The following PLCB1 variants were observed in gnomAD, a reference collection of about 807,000 sequenced individuals.
PLCB1 encodes phospholipase C beta 1, also known as 1-phosphatidylinositol 4,5-bisphosphate phosphodiesterase beta-1.
Under a neutral mutation model 161.8 loss-of-function variants are expected in PLCB1, and 46 were observed. That is an observed-to-expected ratio of 0.28 (90% confidence interval 0.22 to 0.36). The LOEUF is 0.36. Ranked by LOEUF, PLCB1 falls within the 10% of genes least tolerant of loss-of-function variation. The pLI, the probability that PLCB1 is intolerant of heterozygous loss-of-function variation, is 1.00. For missense variants in PLCB1, 1,016 were observed against 1,472.5 expected (o/e 0.69, Z 5.07); for synonymous variants, 517 against 503.7 (o/e 1.03, Z -0.35).
intron 3 of PLCB1, among the ~76,000 whole-genome samples, chr20:8,564,563 A>T (rs1408739892): frequency 6.6e-6 from 1 of 152,228 alleles, no homozygotes; most frequent in African/African-American, 2.4e-5. Context: ...ACAGAATGGG[A>T]GAAAATTTTT....
intron 3 of PLCB1, among the ~76,000 whole-genome samples, chr20:8,558,075 A>G (rs1382197994): frequency 1.3e-5 from 2 of 151,864 alleles, no homozygotes; most frequent in Admixed American, 1.3e-4. Context: ...ACAAAAACAT[A>G]GGAAAAATGA....
At chr20:8,280,556 A>G (rs1203242493) in intron 2 of PLCB1, among the ~76,000 whole-genome samples, 1 of 152,158 alleles carries the variant, frequency 6.6e-6, no homozygotes, top group African/African-American at 2.4e-5. Context: ...AGAAATTTTG[A>G]TTCTACATAT....
At chr20:8,703,859 A>G (rs16995121) in intron 11 of PLCB1, among the ~76,000 whole-genome samples, 13,804 of 152,178 alleles carry the variant, frequency 0.091, 766 homozygotes, top group East Asian at 0.16. Context: ...TTATCAACCA[A>G]AGGAAGATAC....
chr20:8,248,082 A>G (rs1980970050), intron 2 of PLCB1, among the ~76,000 whole-genome samples: 1 of 151,952 alleles, frequency 6.6e-6, no homozygotes, highest in Admixed American at 6.6e-5. Flanking sequence ...TTAGGGAAGC[A>G]TCTCAGGAGA....
At position 8,586,177 on chromosome 20, in the gene PLCB1, G is replaced by A. The variant is rs538906966; in HGVS notation, c.247-42117G>A. On this transcript the variant is annotated intron_variant, in intron 3 of 31. Coordinates refer to ENST00000338037, the MANE Select transcript of PLCB1 (RefSeq NM_015192.4). ...GCAATGTGACCTACAGAGTTGACAT[G>A]CCCTTGATATGGCAAAAGATGAGTT... Among the ~76,000 whole-genome samples the A allele has an allele frequency of 3.4e-4, 52 of 152,256 alleles. No homozygotes were observed. The South Asian group carries it at 8.5e-3, about 25-fold the overall frequency.
chr20:8,289,753 G>C (rs1311765182), intron 2 of PLCB1, among the ~76,000 whole-genome samples: 2 of 152,096 alleles, frequency 1.3e-5, no homozygotes, highest in East Asian at 3.9e-4. Flanking sequence ...CAGGACACTC[G>C]GAATCTTGAA....
chr20:8,642,497 C>T (rs909320457), intron 4 of PLCB1, among the ~76,000 whole-genome samples: 7 of 152,170 alleles, frequency 4.6e-5, no homozygotes, highest in Non-Finnish European at 1.0e-4. Flanking sequence ...TTCCTCCTTA[C>T]TCACATCACA....
intron 11 of PLCB1, among the ~76,000 whole-genome samples, chr20:8,701,460 CTATT>C (rs908013819): frequency 6.6e-6 from 1 of 152,158 alleles, no homozygotes; most frequent in African/African-American, 2.4e-5. Context: ...TGGGACCCAT[CTATT>C]TAATACTGTC....
At chr20:8,490,861 C>CATATATAT (rs111442214) in intron 3 of PLCB1, among the ~76,000 whole-genome samples, 2,179 of 141,850 alleles carry the variant, frequency 0.015, 62 homozygotes, top group African/African-American at 0.052. Flanking sequence ...TATATATAGG[C>CATATATAT]ATATATATAT....
intron 3 of PLCB1, among the ~76,000 whole-genome samples, chr20:8,526,177 C>T (rs995108566): frequency 6.6e-6 from 1 of 151,986 alleles, no homozygotes; most frequent in African/African-American, 2.4e-5. Context: ...TTCCTTGATA[C>T]TCTAATTTTT....
At chr20:8,661,206 AG>A (rs1467326612) in intron 9 of PLCB1, among the ~76,000 whole-genome samples, 1 of 152,116 alleles carries the variant, frequency 6.6e-6, no homozygotes, top group African/African-American at 2.4e-5. Context: ...AGCACCTAGA[AG>A]ATGCACCTGC....
At chr20:8,340,646 G>T (rs1377522008) in intron 2 of PLCB1, among the ~76,000 whole-genome samples, 1 of 151,862 alleles carries the variant, frequency 6.6e-6, no homozygotes, top group Non-Finnish European at 1.5e-5. Flanking sequence ...GGATGGTCTC[G>T]ATCTCCTGAC....
chr20:8,562,422 T>A (rs1045095569), intron 3 of PLCB1, among the ~76,000 whole-genome samples: 2 of 152,064 alleles, frequency 1.3e-5, no homozygotes, highest in African/African-American at 4.8e-5. Context: ...AAAATGTGCC[T>A]GGGGACTTTG....
intron 3 of PLCB1, among the ~76,000 whole-genome samples, chr20:8,393,073 G>A (rs1161375950): frequency 6.6e-6 from 1 of 152,106 alleles, no homozygotes; most frequent in African/African-American, 2.4e-5. Context: ...GTTTAAAGGT[G>A]AGACAAGACC....
chr20:8,553,312 A>G (rs957750145), intron 3 of PLCB1, among the ~76,000 whole-genome samples: 6 of 152,186 alleles, frequency 3.9e-5, no homozygotes, highest in Non-Finnish European at 5.9e-5. Flanking sequence ...TAGATTTGCT[A>G]TTGAAGTTTT....
intron 3 of PLCB1, among the ~76,000 whole-genome samples, chr20:8,419,103 C>T (rs1393573291): frequency 6.6e-6 from 1 of 152,122 alleles, no homozygotes; most frequent in Non-Finnish European, 1.5e-5. Context: ...AATATTGACA[C>T]TGATGTTAGT....
intron 2 of PLCB1, among the ~76,000 whole-genome samples, chr20:8,238,506 T>C (rs1980437274): frequency 6.6e-6 from 1 of 151,886 alleles, no homozygotes; most frequent in Non-Finnish European, 1.5e-5. Flanking sequence ...TTTCCATCTC[T>C]CTATCATGCC....
intron 9 of PLCB1, among the ~76,000 whole-genome samples, chr20:8,684,029 A>G (rs7508859): frequency 0.13 from 18,564 of 147,974 alleles, 1,313 homozygotes; most frequent in Non-Finnish European, 0.17. Flanking sequence ...GACTGCAGGC[A>G]CCCGCCACCA....
At chr20:8,347,562 G>A (rs973694025) in intron 2 of PLCB1, among the ~76,000 whole-genome samples, 1 of 152,100 alleles carries the variant, frequency 6.6e-6, no homozygotes, top group African/African-American at 2.4e-5. Context: ...CATTAGTGGG[G>A]CAACCTATGT....
Sources: allele counts gnomAD v4.1 joint callset (sites outside exome capture counted in the v4.1 genomes callset), GRCh38; gene constraint gnomAD v4.1.1; transcripts MANE v1.5; gene names NCBI Gene and HGNC (gene_info 2026-07-23, HGNC 2026-07-21).